GRIP1: variants seen among roughly 807,000 people sequenced by gnomAD.
GRIP1 encodes the protein glutamate receptor interacting protein 1.
GRIP1 carries 45 observed loss-of-function variants against 129.9 expected under a neutral mutation model. That is an observed-to-expected ratio of 0.35 (90% confidence interval 0.27 to 0.44). The LOEUF is 0.44. Ranked by LOEUF, GRIP1 falls within the 20% of genes least tolerant of loss-of-function variation. The pLI, the probability that GRIP1 is intolerant of heterozygous loss-of-function variation, is 1.00. For missense variants in GRIP1, 1,196 were observed against 1,396.8 expected (o/e 0.86, Z 2.29); for synonymous variants, 530 against 520.8 (o/e 1.02, Z -0.24).
At chr12:67,038,220 G>A (rs949209279) in intron 1 of GRIP1, among the ~76,000 whole-genome samples, 1 of 152,200 alleles carries the variant, frequency 6.6e-6, no homozygotes, top group Admixed American at 6.5e-5. Flanking sequence ...AAGAAATTGA[G>A]CAGAAACACT....
intron 1 of GRIP1, among the ~76,000 whole-genome samples, chr12:67,009,596 T>C (rs572876922): frequency 6.6e-6 from 1 of 152,288 alleles, no homozygotes; most frequent in African/African-American, 2.4e-5. Context: ...CCAAAATGGT[T>C]TCTGTTTGTG....
At chr12:66,980,895 G>C (rs1592424281) in intron 1 of GRIP1, among the ~76,000 whole-genome samples, 1 of 152,084 alleles carries the variant, frequency 6.6e-6, no homozygotes, top group Non-Finnish European at 1.5e-5. Context: ...CTGCTCTTGT[G>C]ACTTGTTCTC....
At chr12:66,450,083 G>A (rs955253260) in intron 11 of GRIP1, among the ~76,000 whole-genome samples, 7 of 151,680 alleles carry the variant, frequency 4.6e-5, no homozygotes, top group Non-Finnish European at 8.8e-5. Flanking sequence ...GGCGGATCAC[G>A]AGGTCAGGAA....
intron 1 of GRIP1, among the ~76,000 whole-genome samples, chr12:66,818,994 C>A (rs1330953494): frequency 6.6e-6 from 1 of 152,172 alleles, no homozygotes; most frequent in Non-Finnish European, 1.5e-5. Context: ...TTCAGAAGTA[C>A]AAATACTAAC....
intron 1 of GRIP1, among the ~76,000 whole-genome samples, chr12:66,871,157 T>TGG: frequency 6.6e-6 from 1 of 152,136 alleles, no homozygotes; most frequent in Non-Finnish European, 1.5e-5. Flanking sequence ...AGAGGGGTCT[T>TGG]CTGGCCTTTT....
chr12:66,834,903 C>T (rs904736553), intron 1 of GRIP1, among the ~76,000 whole-genome samples: 2 of 122,400 alleles, frequency 1.6e-5, no homozygotes, highest in East Asian at 4.9e-4. Flanking sequence ...CTGGGTGACA[C>T]AGCATGACAA....
chr12:66,957,858 C>T (rs2041866038), intron 1 of GRIP1, among the ~76,000 whole-genome samples: 1 of 152,104 alleles, frequency 6.6e-6, no homozygotes, highest in Non-Finnish European at 1.5e-5. Flanking sequence ...TATGTGTAAA[C>T]CATACTTAAG....
chr12:66,916,512 T>C (rs912350705), intron 1 of GRIP1, among the ~76,000 whole-genome samples: 10 of 152,186 alleles, frequency 6.6e-5, no homozygotes, highest in Admixed American at 1.3e-4. Flanking sequence ...GCCACCAGTG[T>C]GCTGTAAAGT....
intron 1 of GRIP1, among the ~76,000 whole-genome samples, chr12:66,982,061 A>G (rs2042248523): frequency 6.6e-6 from 1 of 152,204 alleles, no homozygotes; most frequent in South Asian, 2.1e-4. Context: ...ACACTGTTAT[A>G]CTATCTTACC....
chr12:66,810,508 G>A (rs1236879369), intron 1 of GRIP1, among the ~76,000 whole-genome samples: 1 of 152,118 alleles, frequency 6.6e-6, no homozygotes, highest in Admixed American at 6.5e-5. Flanking sequence ...CAGTGAGCGA[G>A]ATCACGCCAC....
At chr12:66,640,104 A>T (rs971986896) in intron 1 of GRIP1, among the ~76,000 whole-genome samples, 2 of 152,044 alleles carry the variant, frequency 1.3e-5, no homozygotes, top group Non-Finnish European at 2.9e-5. Flanking sequence ...CAACCTTCCA[A>T]CCAGCTTTAG....
At chr12:66,886,301 T>C (rs1566065161) in intron 1 of GRIP1, among the ~76,000 whole-genome samples, 1 of 151,970 alleles carries the variant, frequency 6.6e-6, no homozygotes, top group African/African-American at 2.4e-5. Context: ...CCAAATCCTA[T>C]ATAATTGAGG....
chr12:66,866,493 A>G (rs1032336763), intron 1 of GRIP1, among the ~76,000 whole-genome samples: 3 of 152,236 alleles, frequency 2.0e-5, no homozygotes, highest in Middle Eastern at 3.4e-3. Context: ...CATGGTGACT[A>G]TAGTTAACAA....
At chr12:66,986,854 A>G (rs28654225) in intron 1 of GRIP1, among the ~76,000 whole-genome samples, 1 of 97,878 alleles carries the variant, frequency 1.0e-5, no homozygotes, top group Non-Finnish European at 2.0e-5. Flanking sequence ...TTTTTAAAAA[A>G]TTTTAAAAAA....
At chr12:67,055,537 T>C (rs774604304) in intron 1 of GRIP1, among the ~76,000 whole-genome samples, 3 of 152,218 alleles carry the variant, frequency 2.0e-5, no homozygotes. Flanking sequence ...GACATTTTGG[T>C]CTCAGGACTG....
chr12:66,446,165 AGTT>A (rs927532285), intron 11 of GRIP1, among the ~76,000 whole-genome samples: 29 of 144,930 alleles, frequency 2.0e-4, no homozygotes, highest in African/African-American at 6.7e-4. Flanking sequence ...TTCTAGTCTA[AGTT>A]GTTGTATTTC....
At chr12:67,060,117 C>A (rs537745692) in intron 1 of GRIP1, among the ~76,000 whole-genome samples, 2 of 151,750 alleles carry the variant, frequency 1.3e-5, no homozygotes, top group South Asian at 2.1e-4. Flanking sequence ...AATACCGCCA[C>A]CACTTTCAGT....
At chr12:66,426,104 C>T (rs1385931999) in intron 14 of GRIP1, among the ~76,000 whole-genome samples, 1 of 152,190 alleles carries the variant, frequency 6.6e-6, no homozygotes, top group East Asian at 1.9e-4. Flanking sequence ...AAGATTACTG[C>T]TTCGTCCAGT....
chr12:66,586,326 G>A (rs1386464586), intron 2 of GRIP1, among the ~76,000 whole-genome samples: 1 of 152,052 alleles, frequency 6.6e-6, no homozygotes, highest in Non-Finnish European at 1.5e-5. Flanking sequence ...AGTGACATGT[G>A]GCTCATAACT....
Sources: allele counts gnomAD v4.1 joint callset (sites outside exome capture counted in the v4.1 genomes callset), GRCh38; gene constraint gnomAD v4.1.1; transcripts MANE v1.5; gene names NCBI Gene and HGNC (gene_info 2026-07-23, HGNC 2026-07-21).